Variants in EYS observed in about 807,000 individuals in gnomAD.
EYS encodes EGF-like photoreceptor maintenance factor.
A neutral mutation model predicts 282.1 loss-of-function variants in EYS; 250 were observed. The ratio of observed to expected loss-of-function variants is 0.89; its 90% CI spans 0.80 to 0.98. The LOEUF (loss-of-function observed/expected upper bound fraction) is 0.98, where lower values mean the gene tolerates loss of function less well. Among genes scored for constraint, EYS ranks in the 50% least tolerant of loss-of-function variants. The probability of loss-of-function intolerance (pLI) is 0.00; values close to 1 mark genes in which losing one functional copy is unlikely to be tolerated. For missense variants in EYS, 4,016 were observed against 3,709.0 expected (o/e 1.08, Z -2.15); for synonymous variants, 1,355 against 1,282.9 (o/e 1.06, Z -1.20).
chr6:65,299,879 A>C (rs1768769166), intron 11 of EYS, among the ~76,000 whole-genome samples: 1 of 151,776 alleles, frequency 6.6e-6, no homozygotes, highest in Non-Finnish European at 1.5e-5. Context: ...CTTACCCCAA[A>C]ACACACACAC....
rs553897343 is a variant in EYS, at chr6:65,439,334, T to C, written c.863-33967A>G. Among the ~76,000 whole-genome samples the C allele has an allele frequency of 1.6e-3, 250 of 151,766 alleles. 3 individuals carry two copies. The highest frequency in any genetic ancestry group is 5.4e-3 in the African/African-American group (223 of 41,554). The stretch of plus-strand genomic sequence containing the variant: ...AGGATTGACTTGGCAATGCAGGCTC[T>C]TTTTTGGTTCCATATGAACTTTAAA... On this transcript the variant is annotated intron_variant, in intron 5 of 42. Coordinates refer to ENST00000503581, the MANE Select transcript of EYS (RefSeq NM_001142800.2).
intron 20 of EYS, 43 bp downstream of exon 20, chr6:64,822,608 T>C (rs1374041797): frequency 7.0e-7 from 1 of 1,423,208 alleles, no homozygotes; most frequent in Non-Finnish European, 9.5e-7. Context: ...ATATTGTGAG[T>C]TAAATATACT....
intron 18 of EYS, among the ~76,000 whole-genome samples, chr6:64,893,685 A>C (rs1244274458): frequency 6.6e-6 from 1 of 152,042 alleles, no homozygotes; most frequent in African/African-American, 2.4e-5. Context: ...TTTTCTAAGA[A>C]TAGAATAATC....
chr6:64,102,058 C>A (rs919449977), intron 31 of EYS, among the ~76,000 whole-genome samples: 2 of 152,034 alleles, frequency 1.3e-5, no homozygotes, highest in Non-Finnish European at 2.9e-5. Context: ...CGCTGGATCA[C>A]CCACCACTCT....
Position 65,402,490 on chromosome 6 carries a change from T to A in EYS, c.1172A>T (p.Asp391Val). ...AAATTAATTATACCTGCAAGGATAATCTTTCTCACATTTCTTACATGTAGC... is the reference window on the plus strand; with the variant it reads ...AAATTAATTATACCTGCAAGGATAAACTTTCTCACATTTCTTACATGTAGC... ...NNATCKKCEK[D>V]YPCSCISGFT... Residue 391 changes from aspartate to valine, a missense_variant, in exon 7 of 43, where the codon GAT becomes GTT. Transcript: ENST00000503581. The A allele has an allele frequency of 1.3e-6, 2 of 1,513,016 alleles. No individual in the cohort carries two copies. Among genetic ancestry groups the A allele is most frequent in the Non-Finnish European group, 1.8e-6 (2 of 1,089,216 alleles). The allele number at this position is 1,513,016 out of a possible 1,614,324, so 93.7% of individuals were successfully genotyped here.
intron 26 of EYS, among the ~76,000 whole-genome samples, chr6:64,466,201 GAA>G (rs1444621628): frequency 6.6e-6 from 1 of 151,872 alleles, no homozygotes; most frequent in Non-Finnish European, 1.5e-5. Flanking sequence ...GGTTCCTCAA[GAA>G]AATAAAAAAT....
At chr6:64,767,563 A>G (rs1773391804) in intron 22 of EYS, among the ~76,000 whole-genome samples, 2 of 152,104 alleles carry the variant, frequency 1.3e-5, no homozygotes, top group South Asian at 2.1e-4. Context: ...GGCTTATTAC[A>G]CTTAACATAA....
At chr6:65,646,293 G>C (rs1352321147) in intron 1 of EYS, among the ~76,000 whole-genome samples, 3 of 151,966 alleles carry the variant, frequency 2.0e-5, no homozygotes, top group African/African-American at 7.2e-5. Flanking sequence ...ACTAGCTAAT[G>C]AAATGCAACA....
chr6:64,505,461 G>T (rs1777177789), intron 26 of EYS, among the ~76,000 whole-genome samples: 1 of 152,174 alleles, frequency 6.6e-6, no homozygotes, highest in Non-Finnish European at 1.5e-5. Context: ...ACATGGAAAT[G>T]ACCTTAAAAG....
At chr6:65,620,918 C>T (rs976976961) in intron 2 of EYS, among the ~76,000 whole-genome samples, 1 of 152,122 alleles carries the variant, frequency 6.6e-6, no homozygotes, top group Non-Finnish European at 1.5e-5. Flanking sequence ...GTCTGAGAGA[C>T]AGTTTGTTAT....
chr6:65,158,063 A>G (rs1764769939), intron 12 of EYS, among the ~76,000 whole-genome samples: 1 of 150,846 alleles, frequency 6.6e-6, no homozygotes. Context: ...GGGAATAACA[A>G]TCTATAGGGG....
At chr6:63,844,059 T>A (rs1160911161) in intron 36 of EYS, among the ~76,000 whole-genome samples, 1 of 152,154 alleles carries the variant, frequency 6.6e-6, no homozygotes, top group Non-Finnish European at 1.5e-5. Flanking sequence ...CCTGTGTCCA[T>A]GTGTTCTAGT....
intron 2 of EYS, among the ~76,000 whole-genome samples, chr6:65,591,772 G>A (rs534117017): frequency 6.9e-4 from 104 of 151,494 alleles, no homozygotes; most frequent in African/African-American, 1.8e-3. Flanking sequence ...AAAACCTCTG[G>A]GTCCTGGACT....
intron 12 of EYS, among the ~76,000 whole-genome samples, chr6:65,115,428 T>A (rs552746876): frequency 6.6e-6 from 1 of 152,204 alleles, no homozygotes; most frequent in Non-Finnish European, 1.5e-5. Context: ...TGAAATTATC[T>A]TTTAATCTTG....
chr6:65,388,590 C>A (rs746679593), intron 7 of EYS, among the ~76,000 whole-genome samples: 1 of 151,918 alleles, frequency 6.6e-6, no homozygotes, highest in Non-Finnish European at 1.5e-5. Context: ...AGCAAGAGGT[C>A]CTTGAGATAT....
At chr6:65,407,501 G>A (rs944990553) in intron 5 of EYS, among the ~76,000 whole-genome samples, 2 of 152,088 alleles carry the variant, frequency 1.3e-5, no homozygotes, top group East Asian at 1.9e-4. Flanking sequence ...TGATCTGCCC[G>A]TCTCGGCCTC....
chr6:64,408,066 G>A (rs542648621), intron 28 of EYS, among the ~76,000 whole-genome samples: 1 of 151,820 alleles, frequency 6.6e-6, no homozygotes, highest in Admixed American at 6.6e-5. Flanking sequence ...ACATAACAGA[G>A]GTTTACCATA....
intron 1 of EYS, among the ~76,000 whole-genome samples, chr6:65,644,675 G>T (rs1022632508): frequency 6.6e-6 from 1 of 152,176 alleles, no homozygotes; most frequent in Non-Finnish European, 1.5e-5. Context: ...AAAGCATCAC[G>T]TAACCTATAA....
At chr6:64,704,645 C>T (rs753468511) in intron 22 of EYS, among the ~76,000 whole-genome samples, 93 of 151,342 alleles carry the variant, frequency 6.1e-4, no homozygotes, top group African/African-American at 9.2e-4. Flanking sequence ...AGTGAAATAT[C>T]GGTTATGACT....
Sources: gnomAD v4.1 joint callset for allele counts (sites outside exome capture counted in the v4.1 genomes callset) on GRCh38, gnomAD v4.1.1 for gene constraint, MANE v1.5 for transcripts, NCBI Gene and HGNC (gene_info 2026-07-23, HGNC 2026-07-21) for gene names.